Variants in VPS8 observed in about 807,000 individuals in gnomAD.
VPS8 encodes the protein vacuolar protein sorting-associated protein 8 homolog.
A neutral mutation model predicts 216.4 loss-of-function variants in VPS8; 129 were observed. The ratio of observed to expected loss-of-function variants is 0.60; its 90% confidence interval spans 0.52 to 0.69. VPS8 has a LOEUF of 0.69. VPS8 is among the 30% of genes least tolerant of loss of function. The probability of loss-of-function intolerance (pLI) is 0.00; values close to 1 mark genes in which losing one functional copy is unlikely to be tolerated. For synonymous variants in VPS8, 571 were observed against 565.4 expected (o/e 1.01, Z -0.14); for missense variants, 1,531 against 1,683.5 (o/e 0.91, Z 1.59).
intron 23 of VPS8, among the ~76,000 whole-genome samples, chr3:184,897,155 G>C (rs145058481): frequency 1.4e-3 from 213 of 152,224 alleles, no homozygotes; most frequent in African/African-American, 5.0e-3. Context: ...GTGCTTTAGG[G>C]GTAACAGAAT....
chr3:184,860,498 C>G (rs1442225134), intron 15 of VPS8, among the ~76,000 whole-genome samples: 1 of 140,452 alleles, frequency 7.1e-6, no homozygotes, highest in African/African-American at 2.8e-5. Flanking sequence ...CACACACACA[C>G]ACAGAAAGAG....
intron 45 of VPS8, among the ~76,000 whole-genome samples, chr3:185,021,521 T>A (rs1463358005): frequency 1.3e-5 from 2 of 152,198 alleles, no homozygotes; most frequent in African/African-American, 4.8e-5. Context: ...AAATCTGTTT[T>A]CTCCCTTTTC....
chr3:184,859,188 G>T (rs896291493), intron 14 of VPS8, among the ~76,000 whole-genome samples: 4 of 152,138 alleles, frequency 2.6e-5, no homozygotes, highest in Non-Finnish European at 4.4e-5. Context: ...TAATTGATGG[G>T]TATGGTCTAC....
At chr3:184,823,294 C>T (rs1718011072) in intron 1 of VPS8, among the ~76,000 whole-genome samples, 1 of 152,212 alleles carries the variant, frequency 6.6e-6, no homozygotes. Context: ...TGGAGGATGG[C>T]TTGAGCCCAA....
At chr3:184,813,532 T>C (rs182598344) in intron 1 of VPS8, among the ~76,000 whole-genome samples, 401 of 152,304 alleles carry the variant, frequency 2.6e-3, no homozygotes, top group Middle Eastern at 6.8e-3. Flanking sequence ...TTGAATCCTC[T>C]GGCAATAGCT....
intron 45 of VPS8, among the ~76,000 whole-genome samples, chr3:185,013,198 A>G (rs937790018): frequency 6.6e-5 from 10 of 152,226 alleles, no homozygotes; most frequent in Non-Finnish European, 1.2e-4. Context: ...CGTCATGGCC[A>G]TCATGAGCAT....
chr3:184,955,905 G>A (rs758703467), intron 36 of VPS8, among the ~76,000 whole-genome samples: 1 of 151,392 alleles, frequency 6.6e-6, no homozygotes, highest in Non-Finnish European at 1.5e-5. Flanking sequence ...CTAAGGTGGT[G>A]GTATACATAG....
chr3:184,881,500 C>T (rs1038982090), intron 21 of VPS8, among the ~76,000 whole-genome samples: 2 of 152,016 alleles, frequency 1.3e-5, no homozygotes, highest in South Asian at 2.1e-4. Context: ...TATTTTGTTC[C>T]ATTGATCCGT....
chr3:185,045,454 A>G (rs1447762045), intron 46 of VPS8, among the ~76,000 whole-genome samples: 1 of 152,212 alleles, frequency 6.6e-6, no homozygotes, highest in East Asian at 1.9e-4. Flanking sequence ...TTGTTTTCCT[A>G]TATCAGAGCT....
At chr3:184,860,300 T>C (rs1200132806) in intron 15 of VPS8, among the ~76,000 whole-genome samples, 1 of 151,316 alleles carries the variant, frequency 6.6e-6, no homozygotes, top group Non-Finnish European at 1.5e-5. Context: ...CTCCTGTGAC[T>C]AGTCACTGCA....
chr3:184,943,057 T>G (rs1334591106), intron 36 of VPS8, among the ~76,000 whole-genome samples: 1 of 152,210 alleles, frequency 6.6e-6, no homozygotes, highest in Non-Finnish European at 1.5e-5. Context: ...TCCGTTCCCT[T>G]CTTTCCAGGG....
At chr3:184,833,331 G>C (rs1180518377) in intron 4 of VPS8, among the ~76,000 whole-genome samples, 1 of 152,188 alleles carries the variant, frequency 6.6e-6, no homozygotes, top group Non-Finnish European at 1.5e-5. Flanking sequence ...GAAAAGGAAA[G>C]AGAATTGGAG....
intron 34 of VPS8, among the ~76,000 whole-genome samples, chr3:184,932,486 A>G (rs1163537353): frequency 2.0e-5 from 3 of 152,218 alleles, no homozygotes; most frequent in East Asian, 1.9e-4. Flanking sequence ...GTATAGCTTA[A>G]TTAAAAATGG....
intron 42 of VPS8, among the ~76,000 whole-genome samples, chr3:184,986,741 C>T (rs1397255254): frequency 6.6e-6 from 1 of 152,170 alleles, no homozygotes; most frequent in African/African-American, 2.4e-5. Context: ...ACAACCAGGC[C>T]TTTCATTGAG....
chr3:184,971,441 T>C (rs1480286089), intron 39 of VPS8, among the ~76,000 whole-genome samples: 1 of 152,244 alleles, frequency 6.6e-6, no homozygotes, highest in Non-Finnish European at 1.5e-5. Flanking sequence ...TTATCTGTCC[T>C]ACGAATGTAA....
At chr3:184,817,721 C>T (rs7613038) in intron 1 of VPS8, among the ~76,000 whole-genome samples, 5,208 of 152,282 alleles carry the variant, frequency 0.034, 281 homozygotes, top group African/African-American at 0.12. Flanking sequence ...TAATTTGCAA[C>T]ACAGATGTTA....
chr3:185,021,024 A>T (rs915854853), intron 45 of VPS8, among the ~76,000 whole-genome samples: 2 of 152,206 alleles, frequency 1.3e-5, no homozygotes, highest in Admixed American at 6.5e-5. Flanking sequence ...GTGAGCTGAG[A>T]TCGTGCCATT....
chr3:184,976,818 T>C (rs938614622), intron 40 of VPS8, among the ~76,000 whole-genome samples: 1 of 152,356 alleles, frequency 6.6e-6, no homozygotes, highest in African/African-American at 2.4e-5. Context: ...GGCTGCATAG[T>C]ATTCCATGGT....
Position 184,850,041 on chromosome 3 carries a change from T to G in VPS8, c.753+19T>G. The G allele has an allele frequency of 6.3e-7, 1 of 1,580,264 alleles. No individual in the cohort carries two copies. Among genetic ancestry groups the G allele is most frequent in the Non-Finnish European group, 8.6e-7 (1 of 1,166,138 alleles). On this transcript the variant is annotated intron_variant, in intron 10 of 47. Transcript: ENST00000625842. ...TATCAAGGTAAGAGCTTTATTTTCT[T>G]TTCCTAATAATTTTTTTATTATGCC... is the stretch of plus-strand genomic sequence containing the variant.
Sources: allele counts gnomAD v4.1 joint callset (sites outside exome capture counted in the v4.1 genomes callset), GRCh38; gene constraint gnomAD v4.1.1; transcripts MANE v1.5; gene names NCBI Gene and HGNC (gene_info 2026-07-23, HGNC 2026-07-21).